The following ZNF320 variants were observed in gnomAD, a reference collection of about 807,000 sequenced individuals.
ZNF320 encodes zinc finger protein 320, also known as zinc finger gene 320.
In ZNF320, 2 loss-of-function variants were observed where a neutral mutation model predicts 6.8. The ratio of observed to expected loss-of-function variants is 0.29; its 90% confidence interval spans 0.12 to 0.93. The LOEUF is 0.93. Ranked by LOEUF, ZNF320 falls within the 40% of genes least tolerant of loss-of-function variation. ZNF320 has a pLI of 0.55. For synonymous variants in ZNF320, 208 were observed against 203.2 expected (o/e 1.02, Z -0.20); for missense variants, 472 against 611.0 (o/e 0.77, Z 2.40).
chr19:52,862,147 AC>A (rs542167176), exon 6 of ZNF320: 20 of 409,256 alleles, frequency 4.9e-5, no homozygotes, highest in Non-Finnish European at 9.0e-5. Flanking sequence ...TTCTAGCATT[AC>A]CAAAGGCATT....
At chr19:52,861,505 G>C (rs1025414859) in exon 6 of ZNF320, among the ~76,000 whole-genome samples, 1 of 152,170 alleles carries the variant, frequency 6.6e-6, no homozygotes, top group African/African-American at 2.4e-5. Flanking sequence ...AAAACTGGCT[G>C]GGAAAAGTGG....
exon 6 of ZNF320, chr19:52,862,422 G>A (rs551450250): frequency 2.3e-6 from 1 of 433,666 alleles, no homozygotes; most frequent in South Asian, 1.8e-5. Context: ...TTTGTCACAG[G>A]TTTTTCTCCA....
exon 6 of ZNF320, chr19:52,862,460 TATGA>T (rs1412656554): frequency 1.5e-5 from 6 of 387,156 alleles, no homozygotes; most frequent in Non-Finnish European, 3.2e-5. Flanking sequence ...AACTGCAAGG[TATGA>T]ATGATGACTG....
At chr19:52,872,441 G>T (rs138977544), downstream of ZNF320, among the ~76,000 whole-genome samples, 397 of 152,300 alleles carry the variant, frequency 2.6e-3, 1 homozygote, top group African/African-American at 9.1e-3. Flanking sequence ...GGGTCCGGGG[G>T]AGCAGCGCTC....
chr19:52,881,659 G>T lies in ZNF320; in HGVS notation c.467C>A (p.Thr156Asn), dbSNP rs1478699866. 6.2e-7 allele frequency: 1 copy of T among 1,613,966 alleles called. No homozygotes were observed. The highest frequency in any genetic ancestry group is 8.5e-7 in the Non-Finnish European group (1 of 1,179,896). ...LHLRRHRRIH[T>N]GEKPYKCEEC... is the part of the protein sequence containing the mutation. ...TTCACATTTGTAAGGTTTCTCTCCA[G>T]TATGAATTCTCCTATGTCTTCGCAA... Residue 156 changes from threonine to asparagine, a missense_variant, in exon 6 of 6, where the codon ACT becomes AAT. Thr to Asn is a moderately conservative substitution (Grantham distance 65). This residue lies in a region of ZNF320 where 462 missense variants were observed against 559.7 expected (regional missense o/e 0.83). Coordinates refer to ENST00000682928, the MANE Select transcript of ZNF320 (RefSeq NM_001351774.2).
chr19:52,859,935 C>T (rs1040388606), downstream of ZNF320, among the ~76,000 whole-genome samples: 1 of 141,220 alleles, frequency 7.1e-6, no homozygotes, highest in African/African-American at 2.6e-5. Flanking sequence ...TTTTTTGAGA[C>T]GGTGTATCGC....
chr19:52,876,383 A>G lies in ZNF320; in HGVS notation c.*4213T>C, dbSNP rs2063766954. 2.0e-5 allele frequency: 3 copies of G among 152,226 alleles called. No homozygotes were observed. The highest frequency in any genetic ancestry group is 4.1e-4 in the South Asian group (2 of 4,830). The allele number at this position is 152,226 out of a possible 1,614,324, so 9.4% of individuals were successfully genotyped here. ...AACAATTTTAAAATGGCTTAAAAAT[A>G]TATCTAATGAAATGTGGGGTCAAAG... On this transcript the variant is annotated 3_prime_UTR_variant, in exon 6 of 6. Transcript: ENST00000682928.
upstream of ZNF320, among the ~76,000 whole-genome samples, chr19:52,900,372 C>A (rs1437954077): frequency 2.0e-5 from 3 of 152,100 alleles, no homozygotes; most frequent in African/African-American, 7.2e-5. Flanking sequence ...ATAATTGAGA[C>A]TTTTAGAACT....
At position 52,879,390 on chromosome 19, in the gene ZNF320, A is replaced by C; in HGVS notation, c.*1206T>G. 6.1e-6 allele frequency: 1 copy of C among 163,524 alleles called. No homozygotes were observed. The highest frequency in any genetic ancestry group is 1.8e-4 in the East Asian group (1 of 5,704). 10.1% of individuals were successfully genotyped at this position (163,524 alleles called of 1,614,324 possible). ...AATACATGGAGAAAAAGCATTTCACAAAATTCAACATCCAGTCATCATGGA... is the reference window on the plus strand; with the variant it reads ...AATACATGGAGAAAAAGCATTTCACCAAATTCAACATCCAGTCATCATGGA... On this transcript the variant is annotated 3_prime_UTR_variant, in exon 6 of 6. Transcript: ENST00000682928.
chr19:52,864,128 T>C, exon 6 of ZNF320: 1 of 309,540 alleles, frequency 3.2e-6, no homozygotes, highest in Non-Finnish European at 6.5e-6. Context: ...CAAAGAGAAC[T>C]CTATAGCCAC....
downstream of ZNF320, among the ~76,000 whole-genome samples, chr19:52,872,792 C>T (rs933668155): frequency 2.0e-5 from 3 of 152,136 alleles, no homozygotes; most frequent in Admixed American, 6.5e-5. Context: ...TGAGCCACCG[C>T]GCCCAGCCTC....
chr19:52,866,334 G>T (rs1378089907), intron 5 of ZNF320, among the ~76,000 whole-genome samples: 1 of 151,434 alleles, frequency 6.6e-6, no homozygotes, highest in Non-Finnish European at 1.5e-5. Context: ...GCCGAGGTGG[G>T]CAGATCACCT....
intron 5 of ZNF320, among the ~76,000 whole-genome samples, chr19:52,870,707 A>C (rs1412203600): frequency 6.6e-6 from 1 of 152,118 alleles, no homozygotes; most frequent in South Asian, 2.1e-4. Flanking sequence ...CAGAGGCTAC[A>C]GTGAGCCTAA....
rs1392452642 is a variant in ZNF320 at position 52,862,520 on chromosome 19, T to C, written c.*1509A>G. ...ACACTTGTAAGATCTCTCTTCATTA[T>C]AGGTTCTCCAATGATTTGCAAGTGT... On this transcript the variant is annotated 3_prime_UTR_variant, in exon 6 of 6. Coordinates refer to the ZNF320 transcript ENST00000673631. 8.4e-6 allele frequency: 3 copies of C among 356,132 alleles called. 1 individual carries two copies. Among genetic ancestry groups the C allele is most frequent in the Non-Finnish European group, 1.7e-5 (3 of 177,146 alleles). The allele number at this position is 356,132 out of a possible 1,614,324, so 22.1% of individuals were successfully genotyped here.
In ZNF320 at chr19:52,889,846, T is replaced by G. The variant is rs2064230110; in HGVS notation, c.15+395A>C. On this transcript the variant is annotated intron_variant, in intron 4 of 5. Transcript: ENST00000682928. Reference sequence around the variant, plus strand: ...TATTATTGGTCTCTCTTTCTAGAATTTACCATGCACTTTGTGCACATTAAT... The same window carrying G: ...TATTATTGGTCTCTCTTTCTAGAATGTACCATGCACTTTGTGCACATTAAT... 2.0e-5 allele frequency among the ~76,000 whole-genome samples: 3 copies of G among 152,260 alleles called. No homozygotes were observed. The South Asian group carries it at 6.2e-4, about 32-fold the overall frequency.
intron 5 of ZNF320, among the ~76,000 whole-genome samples, chr19:52,864,408 T>C (rs111876567): frequency 1.8e-4 from 27 of 152,298 alleles, no homozygotes; most frequent in African/African-American, 6.0e-4. Context: ...ATAAATACGT[T>C]AGATATTATG....
intron 1 of ZNF320, among the ~76,000 whole-genome samples, chr19:52,897,292 C>A (rs759680168): frequency 5.9e-5 from 9 of 152,204 alleles, no homozygotes; most frequent in Non-Finnish European, 1.0e-4. Context: ...GGGGTTGAGG[C>A]GCGGCGCTCC....
chr19:52,865,829 TTATA>T (rs1275812031), intron 5 of ZNF320, among the ~76,000 whole-genome samples: 1 of 119,602 alleles, frequency 8.4e-6, no homozygotes, highest in Non-Finnish European at 1.6e-5. Flanking sequence ...ACACATATAT[TTATA>T]TATGATTATA....
intron 5 of ZNF320, chr19:52,865,277 G>A (rs569065796): frequency 5.3e-5 from 11 of 207,498 alleles, no homozygotes; most frequent in Admixed American, 1.1e-4. Flanking sequence ...AGCTGAGATC[G>A]TGCTACTGGA....
Sources: allele counts gnomAD v4.1 joint callset (sites outside exome capture counted in the v4.1 genomes callset), GRCh38; gene constraint gnomAD v4.1.1; regional missense constraint gnomAD v4.1.1; transcripts MANE v1.5; gene names NCBI Gene and HGNC (gene_info 2026-07-23, HGNC 2026-07-21).